The following DNAJA1 variants were observed in gnomAD, a reference collection of about 807,000 sequenced individuals.
The protein encoded by DNAJA1 is dnaJ homolog subfamily A member 1.
A neutral mutation model predicts 47.6 loss-of-function variants in DNAJA1; 26 were observed. The observed-to-expected ratio is 0.55, with a 90% CI of 0.40 to 0.76. The LOEUF (loss-of-function observed/expected upper bound fraction) is 0.76, where lower values mean the gene tolerates loss of function less well. Ranked by LOEUF, DNAJA1 falls within the 30% of genes least tolerant of loss-of-function variation. DNAJA1 has a pLI of 0.00. For missense variants in DNAJA1, 315 were observed against 485.0 expected (o/e 0.65, Z 3.29); for synonymous variants, 165 against 158.4 (o/e 1.04, Z -0.31).
At position 33,037,134 on chromosome 9, in the gene DNAJA1, T is replaced by G. The variant is rs757625933; in HGVS notation, c.975+19T>G. 10 of 1,600,716 alleles carry G rather than the reference T, an allele frequency of 6.2e-6. No individual in the cohort carries two copies. The African/African-American group carries it at 1.3e-4, about 22-fold the overall frequency. ...ATTTAAGGTAAGCTGTAATGTACTT[T>G]AAGAATACTTGAGAACAATTGGCTT... On this transcript the variant is annotated intron_variant, in intron 8 of 8. Coordinates refer to ENST00000330899, the MANE Select transcript of DNAJA1 (RefSeq NM_001539.4).
chr9:33,027,932 GGA>G (rs1013957620), intron 3 of DNAJA1, among the ~76,000 whole-genome samples: 1 of 150,818 alleles, frequency 6.6e-6, no homozygotes, highest in Non-Finnish European at 1.5e-5. Flanking sequence ...GGCTGAAGCA[GGA>G]GAGTCGCTTG....
intron 2 of DNAJA1, 95 bp downstream of exon 2, chr9:33,026,711 A>T: frequency 2.6e-6 from 4 of 1,564,708 alleles, no homozygotes; most frequent in Non-Finnish European, 3.5e-6. Context: ...TAATATAGTA[A>T]CTATGATCAC....
intron 5 of DNAJA1, 85 bp downstream of exon 5, chr9:33,030,752 T>G: frequency 8.6e-7 from 1 of 1,159,652 alleles, no homozygotes; most frequent in Non-Finnish European, 1.2e-6. Context: ...AAAATCATTC[T>G]TAATTAGGTT....
rs566262553 is a variant in DNAJA1, at chr9:33,029,456, C to G, written c.311-429C>G. Among the ~76,000 whole-genome samples, 8 of 152,324 alleles carry G rather than the reference C, an allele frequency of 5.3e-5. No homozygotes were observed. In the East Asian group the frequency reaches 1.5e-3, roughly 29 times the overall value. Reference sequence around the variant, plus strand: ...TCTTGATTAATGAGAATTTACTGTGCTACAGAATTTTTGGATGAAGTAATT... The same window carrying G: ...TCTTGATTAATGAGAATTTACTGTGGTACAGAATTTTTGGATGAAGTAATT... On this transcript the variant is annotated intron_variant, in intron 3 of 8. Coordinates refer to ENST00000330899, the MANE Select transcript of DNAJA1 (RefSeq NM_001539.4).
chr9:33,037,390 T>C (rs912942583), intron 8 of DNAJA1: 4 of 269,504 alleles, frequency 1.5e-5, no homozygotes, highest in Admixed American at 5.0e-5. Context: ...GCAAGAAATA[T>C]ATGGATCTGG....
intron 8 of DNAJA1, chr9:33,037,320 A>AC (rs200256038): frequency 4.8e-4 from 155 of 325,132 alleles, no homozygotes; most frequent in South Asian, 9.0e-4. Flanking sequence ...AAAAAAACAA[A>AC]AAAAAAAAAA....
chr9:33,033,890 G>A (rs983620335), intron 5 of DNAJA1, among the ~76,000 whole-genome samples: 1 of 152,148 alleles, frequency 6.6e-6, no homozygotes, highest in Non-Finnish European at 1.5e-5. Context: ...TATACCTGTT[G>A]AGTTAATACT....
intron 6 of DNAJA1, among the ~76,000 whole-genome samples, chr9:33,034,932 G>A (rs796600222): frequency 3.9e-5 from 6 of 152,046 alleles, no homozygotes; most frequent in African/African-American, 1.4e-4. Context: ...GAGGCCAGGA[G>A]TCCTAGCTAC....
At position 33,037,035 on chromosome 9, in the gene DNAJA1, G is replaced by T; in HGVS notation, c.895G>T (p.Asp299Tyr). The T allele has an allele frequency of 1.2e-6, 2 of 1,611,382 alleles. No homozygotes were observed. The highest frequency in any genetic ancestry group is 1.7e-6 in the Non-Finnish European group (2 of 1,179,378). ...TTTAGGTCAGATTGTCAAGCATGGA[G>T]ATATCAAGTGTGTACTAAATGAAGG... ...SHPGQIVKHG[D>Y]IKCVLNEGMP... Residue 299 changes from aspartate (D) to tyrosine (Y), a missense_variant, in exon 8 of 9, where the codon GAT becomes TAT. Around this residue, in one of 4 missense-constraint regions of DNAJA1, gnomAD observed 162 missense variants for 185.4 expected, o/e 0.87. Coordinates refer to ENST00000330899, the MANE Select transcript of DNAJA1 (RefSeq NM_001539.4).
At chr9:33,026,664 C>T (rs745347154) in intron 2 of DNAJA1, 48 bp downstream of exon 2, 59 of 1,575,408 alleles carry the variant, frequency 3.7e-5, no homozygotes, top group Non-Finnish European at 4.5e-5. Context: ...CTTTGCCAGA[C>T]GTATAGTATT....
Position 33,026,546 on chromosome 9 carries a change from A to G in DNAJA1, c.62A>G (p.Glu21Gly), listed in dbSNP as rs754831028. The change falls in exon 2 of 9, where the codon GAA becomes GGA. Residue 21 changes from glutamate to glycine, a missense_variant. Physicochemically the swap from Glu to Gly is moderately conservative, Grantham distance 98. Coordinates refer to ENST00000330899, the MANE Select transcript of DNAJA1 (RefSeq NM_001539.4). ...LGVKPNATQEELKKAYRKLAL... is the reference protein window; with the variant it reads ...LGVKPNATQEGLKKAYRKLAL... The stretch of plus-strand genomic sequence containing the variant: ...GTCAAACCCAATGCTACTCAGGAAG[A>G]ATTGAAAAAGGCTTATAGGAAACTG... 2 of 1,611,618 alleles carry G rather than the reference A, an allele frequency of 1.2e-6. No individual in the cohort carries two copies. The highest frequency in any genetic ancestry group is 1.7e-6 in the Non-Finnish European group (2 of 1,179,460).
intron 3 of DNAJA1, 129 bp from the exon 4 acceptor site, chr9:33,029,756 A>T: frequency 1.6e-6 from 1 of 616,214 alleles, no homozygotes. Flanking sequence ...TGTATATAGT[A>T]GGTAGTCAAC....
At chr9:33,037,154 T>C (rs774195954) in intron 8 of DNAJA1, 39 bp downstream of exon 8, 8 of 1,577,982 alleles carry the variant, frequency 5.1e-6, no homozygotes, top group Non-Finnish European at 6.9e-6. Flanking sequence ...TGAGAACAAT[T>C]GGCTTACTAA....
rs1397544630 is a variant in DNAJA1 at position 33,039,051 on chromosome 9, G to A, written c.*148G>A. 12 of 779,186 alleles carry A rather than the reference G, an allele frequency of 1.5e-5. No homozygotes were observed. Among genetic ancestry groups the A allele is most frequent in the South Asian group, 5.6e-5 (3 of 53,402 alleles). 48.3% of individuals were successfully genotyped at this position (779,186 alleles called of 1,614,324 possible). On this transcript the variant is annotated 3_prime_UTR_variant, in exon 9 of 9. Transcript: ENST00000330899. ...TTAAAAAGTTAAATGAAGAATAAAC[G>A]CAAATATAAAAGCTCTGATTTTGCC...
At chr9:33,025,747 A>AG (rs774754107) in intron 1 of DNAJA1, among the ~76,000 whole-genome samples, 60 of 151,658 alleles carry the variant, frequency 4.0e-4, no homozygotes, top group Non-Finnish European at 7.1e-4. Flanking sequence ...ACAGGGAGGC[A>AG]GGGGCGAGGG....
chr9:33,035,346 G>A (rs889839525), intron 6 of DNAJA1, among the ~76,000 whole-genome samples: 50 of 152,120 alleles, frequency 3.3e-4, no homozygotes, highest in Admixed American at 3.3e-3. Context: ...TGGGCAAAAA[G>A]AGCAAAACTT....
intron 8 of DNAJA1, 82 bp downstream of exon 8, chr9:33,037,197 G>GC: frequency 8.3e-7 from 1 of 1,208,736 alleles, no homozygotes; most frequent in South Asian, 1.4e-5. Flanking sequence ...TCAGCCAGGT[G>GC]CAAGTAGCTC....
At chr9:33,036,765 T>A in intron 7 of DNAJA1, 76 bp downstream of exon 7, 1 of 1,083,754 alleles carries the variant, frequency 9.2e-7, no homozygotes, top group Non-Finnish European at 1.4e-6. Flanking sequence ...CAAAGTGTAG[T>A]ATAGGCACTG....
intron 5 of DNAJA1, among the ~76,000 whole-genome samples, chr9:33,033,038 A>T (rs993425672): frequency 0.011 from 1,675 of 152,256 alleles, 33 homozygotes; most frequent in African/African-American, 0.038. Flanking sequence ...ATCAGGAGAT[A>T]ACTGCTTTGG....
Sources: gnomAD v4.1 joint callset for allele counts (sites outside exome capture counted in the v4.1 genomes callset) on GRCh38, gnomAD v4.1.1 for gene constraint, gnomAD v4.1.1 regional missense constraint, MANE v1.5 for transcripts, NCBI Gene and HGNC (gene_info 2026-07-23, HGNC 2026-07-21) for gene names.